The following CALN1 variants were observed in gnomAD, a reference collection of about 807,000 sequenced individuals.
CALN1 encodes the protein calneuron 1.
In CALN1, 17 loss-of-function variants were observed where a neutral mutation model predicts 30.6. That is an observed-to-expected ratio of 0.56 (90% CI 0.38 to 0.83). CALN1 has a LOEUF of 0.83. Among genes scored for constraint, CALN1 ranks in the 40% least tolerant of loss-of-function variants. CALN1 has a pLI of 0.00. For missense variants in CALN1, 291 were observed against 354.9 expected (o/e 0.82, Z 1.45); for synonymous variants, 156 against 131.4 (o/e 1.19, Z -1.28).
At chr7:71,951,003 T>C (rs1333046412) in intron 5 of CALN1, among the ~76,000 whole-genome samples, 11 of 152,342 alleles carry the variant, frequency 7.2e-5, no homozygotes, top group Middle Eastern at 6.8e-3. Flanking sequence ...TATCCCCGTT[T>C]TATTTCTACC....
At chr7:71,998,458 T>C (rs1453748854) in intron 5 of CALN1, among the ~76,000 whole-genome samples, 1 of 152,088 alleles carries the variant, frequency 6.6e-6, no homozygotes. Flanking sequence ...GCAGGGAAGG[T>C]AATGGTTCTA....
chr7:72,368,297 G>C (rs1284632342), intron 2 of CALN1, among the ~76,000 whole-genome samples: 1 of 137,716 alleles, frequency 7.3e-6, no homozygotes, highest in Middle Eastern at 3.9e-3. Context: ...GATATATTCA[G>C]TTTGTGGAAA....
At chr7:72,091,117 T>G (rs916916792) in intron 4 of CALN1, among the ~76,000 whole-genome samples, 6 of 151,908 alleles carry the variant, frequency 3.9e-5, no homozygotes. Context: ...TCACCTGAGG[T>G]TTGGAATTTG....
At chr7:72,105,773 AGGAGGAGGAGGAGGGGGGAGGGAGGGAG>A (rs1563062320) in intron 4 of CALN1, among the ~76,000 whole-genome samples, 2 of 109,442 alleles carry the variant, frequency 1.8e-5, no homozygotes, top group Non-Finnish European at 1.8e-5. Context: ...AAGAAGAAGG[AGGAGGAGGAGGAGGGGGGAGGGAGGGAG>A]GGAGGAGGAG....
chr7:72,088,183 T>C (rs1805607702), intron 4 of CALN1, among the ~76,000 whole-genome samples: 1 of 151,830 alleles, frequency 6.6e-6, no homozygotes, highest in South Asian at 2.1e-4. Flanking sequence ...ACTGAGAGTG[T>C]GAATCATATT....
chr7:71,948,516 G>A (rs1464991615), intron 5 of CALN1, among the ~76,000 whole-genome samples: 2 of 151,928 alleles, frequency 1.3e-5, no homozygotes, highest in African/African-American at 4.8e-5. Flanking sequence ...GATCACCTGA[G>A]GTCAGGAATT....
At chr7:72,315,710 A>G (rs1800395718) in intron 2 of CALN1, among the ~76,000 whole-genome samples, 1 of 152,140 alleles carries the variant, frequency 6.6e-6, no homozygotes, top group African/African-American at 2.4e-5. Context: ...GTCTCTAAAA[A>G]AAAAAAAAAT....
chr7:71,956,923 C>T (rs1796989269), intron 5 of CALN1, among the ~76,000 whole-genome samples: 1 of 152,036 alleles, frequency 6.6e-6, no homozygotes, highest in African/African-American at 2.4e-5. Flanking sequence ...TCTCAAAACT[C>T]GAGACCTCAG....
At chr7:72,402,283 G>C (rs1352973350) in intron 2 of CALN1, among the ~76,000 whole-genome samples, 1 of 152,144 alleles carries the variant, frequency 6.6e-6, no homozygotes, top group Non-Finnish European at 1.5e-5. Flanking sequence ...CCTGTTCCTG[G>C]GTCCCACAGC....
At chr7:72,144,390 A>C (rs933656866) in intron 3 of CALN1, among the ~76,000 whole-genome samples, 1 of 152,234 alleles carries the variant, frequency 6.6e-6, no homozygotes, top group African/African-American at 2.4e-5. Context: ...CCATTACATA[A>C]TGGTAAAGGG....
intron 2 of CALN1, among the ~76,000 whole-genome samples, chr7:72,381,535 A>G (rs1019311842): frequency 6.6e-6 from 1 of 152,242 alleles, no homozygotes; most frequent in African/African-American, 2.4e-5. Context: ...TTGCAGGGGC[A>G]TATGAGTCCT....
At chr7:71,839,295 G>A (rs938004412) in intron 5 of CALN1, among the ~76,000 whole-genome samples, 9 of 152,284 alleles carry the variant, frequency 5.9e-5, no homozygotes, top group Middle Eastern at 3.4e-3. Context: ...CACTTTGGGA[G>A]TTGAGGCAGG....
intron 4 of CALN1, among the ~76,000 whole-genome samples, chr7:72,054,482 T>TATATAC (rs1563015674): frequency 6.9e-4 from 28 of 40,868 alleles, no homozygotes; most frequent in Non-Finnish European, 1.5e-3. Context: ...TATACATACA[T>TATATAC]ATATATATAC....
chr7:72,199,740 GGGA>G (rs1791289180), intron 3 of CALN1, among the ~76,000 whole-genome samples: 1 of 152,068 alleles, frequency 6.6e-6, no homozygotes, highest in Admixed American at 6.6e-5. Context: ...CTAGCTACTT[GGGA>G]GGATCGCTGG....
chr7:72,018,351 CT>C, intron 5 of CALN1, among the ~76,000 whole-genome samples: 1 of 152,094 alleles, frequency 6.6e-6, no homozygotes, highest in East Asian at 1.9e-4. Flanking sequence ...CTCAGCCCCG[CT>C]CAGTCCCTTC....
chr7:72,005,148 C>G lies in CALN1; in HGVS notation c.501+18509G>C, dbSNP rs113389626. ...GCAAGTGCATTTGAGCTCTTTTATC[C>G]TGGAGAAATGGAAACATGTTTACAC... On this transcript the variant is annotated intron_variant, in intron 5 of 6. Transcript: ENST00000395275. Among the ~76,000 whole-genome samples, 502 of 152,026 alleles carry G rather than the reference C, an allele frequency of 3.3e-3. 4 individuals are homozygous for G. Among genetic ancestry groups the G allele is most frequent in the African/African-American group, 0.012 (481 of 41,360 alleles).
rs1435530525 is a variant in CALN1 at position 71,859,477 on chromosome 7, G to A, written c.502-48985C>T. ...TGTGTATGGGTTGTTCCCGTCAGAG[G>A]CCTCTAGGAACTTCTGTTTCTCCTT... On this transcript the variant is annotated intron_variant, in intron 5 of 6. Coordinates refer to ENST00000395275, the MANE Select transcript of CALN1 (RefSeq NM_031468.4). Among the ~76,000 whole-genome samples, 5 of 152,278 alleles carry A rather than the reference G, an allele frequency of 3.3e-5. No individual in the cohort carries two copies. The South Asian group carries it at 8.3e-4, about 25-fold the overall frequency.
intron 3 of CALN1, among the ~76,000 whole-genome samples, chr7:72,164,173 G>T (rs1788344104): frequency 6.6e-6 from 1 of 151,996 alleles, no homozygotes; most frequent in South Asian, 2.1e-4. Flanking sequence ...TTCAAGACCA[G>T]CTTGGCCAAC....
chr7:72,066,220 T>A (rs1177556884), intron 4 of CALN1, among the ~76,000 whole-genome samples: 2 of 152,238 alleles, frequency 1.3e-5, no homozygotes, highest in African/African-American at 4.8e-5. Flanking sequence ...CCTTTTTGGA[T>A]CTTAATTCCA....
Sources: gnomAD v4.1 joint callset for allele counts (sites outside exome capture counted in the v4.1 genomes callset) on GRCh38, gnomAD v4.1.1 for gene constraint, MANE v1.5 for transcripts, NCBI Gene and HGNC (gene_info 2026-07-23, HGNC 2026-07-21) for gene names.